The following EPHA3 variants were observed in gnomAD, a reference collection of about 807,000 sequenced individuals.
EPHA3 encodes the protein EPH receptor A3.
EPHA3 carries 42 observed loss-of-function variants against 107.1 expected under a neutral mutation model. The ratio of observed to expected loss-of-function variants is 0.39; its 90% CI spans 0.31 to 0.51. EPHA3 has a LOEUF of 0.51. EPHA3 is among the 20% of genes least tolerant of loss of function. The probability of loss-of-function intolerance (pLI) is 0.78; values close to 1 mark genes in which losing one functional copy is unlikely to be tolerated. For synonymous variants in EPHA3, 461 were observed against 424.8 expected, an observed-to-expected ratio of 1.09 and a Z score of -1.05; for missense variants, 1,183 against 1,211.2, an observed-to-expected ratio of 0.98 and a Z score of 0.35.
intron 9 of EPHA3, among the ~76,000 whole-genome samples, chr3:89,408,961 T>G (rs1399495450): frequency 6.6e-6 from 1 of 152,120 alleles, no homozygotes; most frequent in Non-Finnish European, 1.5e-5. Flanking sequence ...CAAATTGACA[T>G]GATACTTTGT....
intron 3 of EPHA3, among the ~76,000 whole-genome samples, chr3:89,334,802 T>C (rs2107405435): frequency 1.3e-5 from 2 of 152,304 alleles, no homozygotes; most frequent in Middle Eastern, 6.8e-3. Flanking sequence ...TGAAGATACC[T>C]GATCAGTAAA....
intron 2 of EPHA3, among the ~76,000 whole-genome samples, chr3:89,195,342 C>A (rs1490620020): frequency 6.6e-6 from 1 of 151,990 alleles, no homozygotes; most frequent in Non-Finnish European, 1.5e-5. Flanking sequence ...GGGTTTGAAT[C>A]TAGGCTCCAC....
Position 89,478,979 on chromosome 3 carries a change from G to A in EPHA3, c.2847-418G>A, listed in dbSNP as rs184610906. 2.0e-5 allele frequency among the ~76,000 whole-genome samples: 3 copies of A among 152,200 alleles called. No homozygotes were observed. In the East Asian group the frequency reaches 5.8e-4, roughly 29 times the overall value. On this transcript the variant is annotated intron_variant, in intron 16 of 16. Transcript: ENST00000336596. Reference sequence around the variant, plus strand: ...TTTCTGGTGGATCCTGGTATTCTCTGGATTGTGGCAACATAACTCCAATCT... The same window carrying A: ...TTTCTGGTGGATCCTGGTATTCTCTAGATTGTGGCAACATAACTCCAATCT...
At chr3:89,179,310 G>A (rs1026371115) in intron 2 of EPHA3, among the ~76,000 whole-genome samples, 4 of 152,040 alleles carry the variant, frequency 2.6e-5, no homozygotes, top group African/African-American at 9.7e-5. Context: ...CATGGGAATG[G>A]AGTATAGATA....
chr3:89,250,674 C>G (rs1295988793), intron 3 of EPHA3, among the ~76,000 whole-genome samples: 1 of 152,184 alleles, frequency 6.6e-6, no homozygotes, highest in African/African-American at 2.4e-5. Context: ...ATAACTACAT[C>G]AGAATTTCCT....
At chr3:89,357,158 G>GGC (rs1707981948) in intron 5 of EPHA3, among the ~76,000 whole-genome samples, 2 of 129,064 alleles carry the variant, frequency 1.5e-5, no homozygotes, top group African/African-American at 6.1e-5. Context: ...CAAAGATATC[G>GGC]GCAAAGAGTA....
chr3:89,343,193 T>C (rs1333976921), intron 5 of EPHA3, among the ~76,000 whole-genome samples: 2 of 152,188 alleles, frequency 1.3e-5, no homozygotes, highest in African/African-American at 2.4e-5. Context: ...AGCCAAATCA[T>C]GAGCCAAAAA....
intron 3 of EPHA3, among the ~76,000 whole-genome samples, chr3:89,315,892 C>T (rs1030031444): frequency 2.6e-5 from 4 of 151,838 alleles, no homozygotes; most frequent in Admixed American, 6.6e-5. Context: ...TGAATCATCT[C>T]TAAAGTATTA....
At chr3:89,237,792 C>G (rs2107237668) in intron 3 of EPHA3, among the ~76,000 whole-genome samples, 1 of 152,054 alleles carries the variant, frequency 6.6e-6, no homozygotes, top group Non-Finnish European at 1.5e-5. Flanking sequence ...AAAGCAAGAT[C>G]CTTTCTCTAC....
intron 1 of EPHA3, among the ~76,000 whole-genome samples, chr3:89,114,081 G>T (rs1707190927): frequency 6.6e-6 from 1 of 152,142 alleles, no homozygotes; most frequent in South Asian, 2.1e-4. Context: ...AGAATAATAG[G>T]TGAGGAAGGA....
chr3:89,215,152 A>C (rs1253423848), intron 3 of EPHA3, among the ~76,000 whole-genome samples: 2 of 152,006 alleles, frequency 1.3e-5, no homozygotes, highest in East Asian at 3.9e-4. Flanking sequence ...ACTTTGCTTT[A>C]GGTAGTTATT....
At chr3:89,412,552 T>C (rs1709175417) in intron 9 of EPHA3, among the ~76,000 whole-genome samples, 1 of 151,630 alleles carries the variant, frequency 6.6e-6, no homozygotes, top group Non-Finnish European at 1.5e-5. Context: ...AATACATACA[T>C]GTATACACAT....
At chr3:89,314,135 T>C (rs1056309924) in intron 3 of EPHA3, among the ~76,000 whole-genome samples, 1 of 151,954 alleles carries the variant, frequency 6.6e-6, no homozygotes, top group African/African-American at 2.4e-5. Flanking sequence ...AAGTCAAATA[T>C]GTTTTGAGAG....
At chr3:89,188,990 A>C (rs546070690) in intron 2 of EPHA3, among the ~76,000 whole-genome samples, 1 of 152,322 alleles carries the variant, frequency 6.6e-6, no homozygotes, top group South Asian at 2.1e-4. Context: ...GAGTGAGTTA[A>C]ATATAAGACT....
chr3:89,311,000 T>C (rs527472280), intron 3 of EPHA3, among the ~76,000 whole-genome samples: 4 of 152,140 alleles, frequency 2.6e-5, no homozygotes, highest in African/African-American at 7.2e-5. Context: ...CTTTCTGCTA[T>C]TTGGTTTTCT....
chr3:89,161,559 A>G (rs1704942400), intron 2 of EPHA3, among the ~76,000 whole-genome samples: 2 of 152,136 alleles, frequency 1.3e-5, no homozygotes, highest in South Asian at 2.1e-4. Flanking sequence ...GTATGGATAT[A>G]CCATGATTTA....
intron 5 of EPHA3, among the ~76,000 whole-genome samples, chr3:89,392,599 T>C (rs1239379221): frequency 1.3e-5 from 2 of 152,186 alleles, no homozygotes; most frequent in Admixed American, 6.5e-5. Context: ...AAGTTTTTTT[T>C]TTCCATTTTG....
At chr3:89,124,113 G>A (rs1469287124) in intron 1 of EPHA3, among the ~76,000 whole-genome samples, 3 of 152,132 alleles carry the variant, frequency 2.0e-5, no homozygotes. Context: ...TCAGTCCACA[G>A]TAGTATATTT....
At chr3:89,268,913 A>C (rs1173240558) in intron 3 of EPHA3, among the ~76,000 whole-genome samples, 1 of 151,892 alleles carries the variant, frequency 6.6e-6, no homozygotes. Context: ...GAAAAAAAAA[A>C]CAACCTCAGG....
Sources: gnomAD v4.1 joint callset for allele counts (sites outside exome capture counted in the v4.1 genomes callset) on GRCh38, gnomAD v4.1.1 for gene constraint, MANE v1.5 for transcripts, NCBI Gene and HGNC (gene_info 2026-07-23, HGNC 2026-07-21) for gene names.